CLEC16A: variants seen among roughly 807,000 people sequenced by gnomAD.
CLEC16A encodes the protein C-type lectin domain containing 16A.
CLEC16A carries 51 observed loss-of-function variants against 109.5 expected under a neutral mutation model. The ratio of observed to expected loss-of-function variants is 0.47; its 90% CI spans 0.37 to 0.59. The LOEUF (loss-of-function observed/expected upper bound fraction) is 0.59, where lower values mean the gene tolerates loss of function less well. Among genes scored for constraint, CLEC16A ranks in the 20% least tolerant of loss-of-function variants. CLEC16A has a pLI of 0.00. For missense variants in CLEC16A, 1,339 were observed against 1,394.0 expected (o/e 0.96, Z 0.63); for synonymous variants, 673 against 564.2 (o/e 1.19, Z -2.73).
chr16:11,011,787 C>T lies in CLEC16A; in HGVS notation c.1304-8406C>T, dbSNP rs150239898. On this transcript the variant is annotated intron_variant, in intron 11 of 23. Coordinates refer to ENST00000409790, the MANE Select transcript of CLEC16A (RefSeq NM_015226.3). ...GCGTACACACACGTATTTTAGAAATCATATGTTCATACCAGTACCCCCAAT... is the reference window on the plus strand; with the variant it reads ...GCGTACACACACGTATTTTAGAAATTATATGTTCATACCAGTACCCCCAAT... Among the ~76,000 whole-genome samples, 737 of 152,134 alleles carry T rather than the reference C, an allele frequency of 4.8e-3. 3 individuals are homozygous for T. Among genetic ancestry groups the T allele is most frequent in the Non-Finnish European group, 6.0e-3 (411 of 67,994 alleles).
At chr16:11,032,406 A>G (rs1216821112) in intron 13 of CLEC16A, among the ~76,000 whole-genome samples, 1 of 152,232 alleles carries the variant, frequency 6.6e-6, no homozygotes, top group African/African-American at 2.4e-5. Context: ...TAATTCAGCC[A>G]GCGGGTGGGA....
intron 10 of CLEC16A, among the ~76,000 whole-genome samples, chr16:10,983,519 C>T (rs1265490300): frequency 2.6e-5 from 4 of 152,152 alleles, no homozygotes; most frequent in East Asian, 1.9e-4. Context: ...CGCATTGTTA[C>T]GTGTAATCTC....
chr16:10,958,720 A>T (rs1306036690), intron 2 of CLEC16A, among the ~76,000 whole-genome samples: 1 of 152,150 alleles, frequency 6.6e-6, no homozygotes, highest in African/African-American at 2.4e-5. Flanking sequence ...CCTGGGCAAC[A>T]TACAGAGACC....
At chr16:11,175,387 T>G (rs2068705872) in intron 23 of CLEC16A, among the ~76,000 whole-genome samples, 1 of 152,208 alleles carries the variant, frequency 6.6e-6, no homozygotes, top group African/African-American at 2.4e-5. Flanking sequence ...AAATCCCTCA[T>G]TTCCTGAGCC....
At chr16:11,003,672 C>T (rs898770192) in intron 11 of CLEC16A, among the ~76,000 whole-genome samples, 4 of 152,166 alleles carry the variant, frequency 2.6e-5, no homozygotes, top group Non-Finnish European at 5.9e-5. Context: ...CTAAATGCTG[C>T]AAAGGCTTCG....
intron 2 of CLEC16A, among the ~76,000 whole-genome samples, chr16:10,958,654 A>G (rs1019054526): frequency 2.0e-5 from 3 of 152,230 alleles, no homozygotes; most frequent in African/African-American, 7.2e-5. Flanking sequence ...CTGTAATCCC[A>G]GCACTTTGGG....
intron 13 of CLEC16A, among the ~76,000 whole-genome samples, chr16:11,028,117 T>C (rs2046525702): frequency 6.6e-6 from 1 of 152,140 alleles, no homozygotes; most frequent in Non-Finnish European, 1.5e-5. Flanking sequence ...GGAGAATCGC[T>C]CAAACGTGGG....
chr16:11,041,115 C>G (rs79959429), intron 14 of CLEC16A: 2 of 152,174 alleles, frequency 1.3e-5, no homozygotes, highest in African/African-American at 4.8e-5. Flanking sequence ...ATGCCAGATG[C>G]GGGTTTTGGC....
At chr16:11,001,428 C>T (rs2044663229) in intron 10 of CLEC16A, among the ~76,000 whole-genome samples, 1 of 152,152 alleles carries the variant, frequency 6.6e-6, no homozygotes, top group Non-Finnish European at 1.5e-5. Flanking sequence ...GTTTTAGCTC[C>T]TGGTGAAACA....
intron 22 of CLEC16A, chr16:11,126,372 G>A: frequency 6.9e-7 from 1 of 1,447,434 alleles, no homozygotes; most frequent in Non-Finnish European, 9.1e-7. Flanking sequence ...CCAGAGATTT[G>A]TTGGGTATGT....
At chr16:10,983,030 C>A in intron 10 of CLEC16A, 39 bp downstream of exon 10, 1 of 1,134,872 alleles carries the variant, frequency 8.8e-7, no homozygotes, top group South Asian at 1.3e-5. Flanking sequence ...AACAGGAAAC[C>A]ATTGCTCATT....
At chr16:10,985,077 C>G (rs1312398643) in intron 10 of CLEC16A, among the ~76,000 whole-genome samples, 2 of 151,716 alleles carry the variant, frequency 1.3e-5, no homozygotes, top group Non-Finnish European at 2.9e-5. Flanking sequence ...GTGGCAGGCG[C>G]CTGCAGTCTC....
At chr16:11,133,114 G>T (rs372749597) in intron 22 of CLEC16A, among the ~76,000 whole-genome samples, 39 of 152,092 alleles carry the variant, frequency 2.6e-4, no homozygotes, top group Non-Finnish European at 4.9e-4. Flanking sequence ...TAACTCCCCT[G>T]TATCACCTGA....
chr16:11,076,850 C>A (rs905034966), intron 19 of CLEC16A, among the ~76,000 whole-genome samples: 2 of 152,214 alleles, frequency 1.3e-5, no homozygotes, highest in Non-Finnish European at 2.9e-5. Context: ...CTCCAGCCCA[C>A]CCCAGGGCCT....
chr16:11,126,202 G>C, intron 22 of CLEC16A, 56 bp downstream of exon 22: 1 of 1,607,874 alleles, frequency 6.2e-7, no homozygotes, highest in South Asian at 1.1e-5. Context: ...GGCGTTCAAG[G>C]TCTTTCTCTC....
chr16:11,178,215 C>A lies in CLEC16A; in HGVS notation c.2807-120C>A. On this transcript the variant is annotated intron_variant, in intron 23 of 23. Coordinates refer to ENST00000409790, the MANE Select transcript of CLEC16A (RefSeq NM_015226.3). The surrounding 1 kb of genome is among the most constrained non-coding windows in gnomAD (Gnocchi z 6.5). ...AGTGGAGCCACGCTGAGCCCTCACG[C>A]CAGCCAGCCACCTCCCACCTAGCTC... 1.2e-6 allele frequency: 1 copy of A among 856,760 alleles called. No individual in the cohort carries two copies. The highest frequency in any genetic ancestry group is 1.8e-6 in the Non-Finnish European group (1 of 540,704). 53.1% of individuals were successfully genotyped at this position (856,760 alleles called of 1,614,324 possible). A position where few individuals can be genotyped will look rare whatever the true frequency, so the allele number is the denominator to read the frequency against.
chr16:11,121,879 CAAAAAAAA>C (rs536067685), intron 20 of CLEC16A, among the ~76,000 whole-genome samples: 11 of 29,842 alleles, frequency 3.7e-4, no homozygotes, highest in South Asian at 1.5e-3. Flanking sequence ...GACCCTGTCT[CAAAAAAAA>C]AAAAAAAAAA....
At chr16:11,135,508 G>A (rs1049548479) in intron 22 of CLEC16A, among the ~76,000 whole-genome samples, 20 of 152,334 alleles carry the variant, frequency 1.3e-4, no homozygotes, top group Non-Finnish European at 2.5e-4. Context: ...TCTGGGAGGT[G>A]GAGGGAGGGG....
At chr16:11,151,642 C>T (rs115309319) in intron 22 of CLEC16A, among the ~76,000 whole-genome samples, 138 of 152,344 alleles carry the variant, frequency 9.1e-4, no homozygotes, top group African/African-American at 3.2e-3. Context: ...ATACTGGGCC[C>T]TCTGGGCCTC....
Sources: allele counts gnomAD v4.1 joint callset (sites outside exome capture counted in the v4.1 genomes callset), GRCh38; gene constraint gnomAD v4.1.1; non-coding constraint Gnocchi (gnomAD v3.1); transcripts MANE v1.5; gene names NCBI Gene and HGNC (gene_info 2026-07-23, HGNC 2026-07-21).